Variants in MRPS18B observed in about 807,000 individuals in gnomAD.
MRPS18B encodes the protein small ribosomal subunit protein mS40.
In MRPS18B, 27 loss-of-function variants were observed where a neutral mutation model predicts 28.4. That is an observed-to-expected ratio of 0.95 (90% CI 0.70 to 1.31). The LOEUF (loss-of-function observed/expected upper bound fraction) is 1.31. MRPS18B is among the 40% of genes most tolerant of loss of function. The pLI, the probability that MRPS18B is intolerant of heterozygous loss-of-function variation, is 0.00. For missense variants in MRPS18B, 343 were observed against 335.9 expected, an observed-to-expected ratio of 1.02 and a Z score of -0.17; for synonymous variants, 118 against 123.7, an observed-to-expected ratio of 0.95 and a Z score of 0.30.
intron 1 of MRPS18B, among the ~76,000 whole-genome samples, chr6:30,619,158 C>T (rs1228998430): frequency 1.3e-5 from 2 of 152,120 alleles, no homozygotes; most frequent in African/African-American, 2.4e-5. Flanking sequence ...CCTCATGATC[C>T]GCCTGCCTGG....
intron 1 of MRPS18B, 81 bp from the exon 2 acceptor site, chr6:30,619,412 C>T: frequency 2.6e-6 from 3 of 1,155,554 alleles, no homozygotes; most frequent in East Asian, 2.3e-5. Flanking sequence ...GTGTGCATTC[C>T]TCCTTTCCAA....
intron 5 of MRPS18B, 71 bp downstream of exon 5, chr6:30,622,969 T>C: frequency 1.6e-6 from 2 of 1,239,896 alleles, no homozygotes; most frequent in East Asian, 2.4e-5. Flanking sequence ...AGTTGGCCAA[T>C]AGGTATTTGT....
rs778298063 is a variant in MRPS18B at position 30,619,924 on chromosome 6, C to T, written c.289C>T (p.Arg97Trp). ...GCTGTTTTTTTTCTCTCTACAGCGT[C>T]GGAATAAAGTTGTTGGGAATCCCTG... The part of the protein sequence containing the change: ...PQRTRKTCIR[R>W]NKVVGNPCPI... Residue 97 changes from arginine (R) to tryptophan (W), a missense_variant, in exon 4 of 7, where the codon CGG becomes TGG. By Grantham distance (101) the Arg-to-Trp change is moderately radical. Transcript: ENST00000259873. 9.3e-6 allele frequency: 15 copies of T among 1,613,978 alleles called. No individual in the cohort carries two copies. The highest frequency in any genetic ancestry group is 1.7e-5 in the Admixed American group (1 of 59,996).
chr6:30,622,585 AAAG>A (rs878996590), intron 4 of MRPS18B, among the ~76,000 whole-genome samples: 3 of 151,376 alleles, frequency 2.0e-5, no homozygotes, highest in Admixed American at 1.3e-4. Flanking sequence ...AAAAAAAAAA[AAAG>A]AACTTAACCT....
rs890201579 is a variant in MRPS18B at position 30,624,771 on chromosome 6, G to T, written c.422-112G>T. On this transcript the variant is annotated intron_variant, in intron 5 of 6. Transcript: ENST00000259873. ...GTCCATGGAGGGGTCAGGGGAAAGG[G>T]GTCATTAGGTAAAGCCAATCCTTCC... 99 of 1,165,404 alleles carry T rather than the reference G, an allele frequency of 8.5e-5. 1 individual carries two copies. The Middle Eastern group carries it at 1.0e-3, about 12-fold the overall frequency. The allele number at this position is 1,165,404 out of a possible 1,614,324, so 72.2% of individuals were successfully genotyped here.
At position 30,617,902 on chromosome 6, in the gene MRPS18B, C is replaced by T; in HGVS notation, c.37C>T (p.Leu13Phe). 1 of 1,614,198 alleles carries T rather than the reference C, an allele frequency of 6.2e-7. No homozygotes were observed. The highest frequency in any genetic ancestry group is 1.3e-5 in the African/African-American group (1 of 75,044). ...TGTATTAAACACCGTGCTGAGGCGGCTTCCTATGCTATCTCTCTTCCGAGG... is the reference window on the plus strand; with the variant it reads ...TGTATTAAACACCGTGCTGAGGCGGTTTCCTATGCTATCTCTCTTCCGAGG... ...ASVLNTVLRR[L>F]PMLSLFRGSH... The change falls in exon 1 of 7, where the codon CTT (leucine) becomes TTT (phenylalanine). Residue 13 changes from leucine (L) to phenylalanine (F), a missense_variant. Coordinates refer to ENST00000259873, the MANE Select transcript of MRPS18B (RefSeq NM_014046.4).
chr6:30,624,796 C>T, intron 5 of MRPS18B, 87 bp from the exon 6 acceptor site: 1 of 1,477,092 alleles, frequency 6.8e-7, no homozygotes, highest in Non-Finnish European at 9.4e-7. Context: ...CCAATCCTTC[C>T]CAATCTACCC....
rs772507984 is a variant in MRPS18B at position 30,619,910 on chromosome 6, T to TC, written c.286-10dup. ...GAACATCCTTAACTGCTGTTTTTTT[T>TC]CTCTCTACAGCGTCGGAATAAAGTT... On this transcript the variant is annotated splice_polypyrimidine_tract_variant and intron_variant, in intron 3 of 6. Transcript: ENST00000259873. 1.2e-6 allele frequency: 2 copies of TC among 1,614,084 alleles called. No homozygotes were observed. Among genetic ancestry groups the TC allele is most frequent in the South Asian group, 1.1e-5 (1 of 91,084 alleles).
At chr6:30,624,152 G>T (rs1220345379) in intron 5 of MRPS18B, among the ~76,000 whole-genome samples, 2 of 151,844 alleles carry the variant, frequency 1.3e-5, no homozygotes, top group Non-Finnish European at 2.9e-5. Flanking sequence ...GAGTGCAGTG[G>T]CATGATCTTG....
chr6:30,624,928 A>G lies in MRPS18B; in HGVS notation c.467A>G (p.Lys156Arg). ...AAGCGGTTGACCCAGGCCATCCAGA[A>G]AGCCAGGGATCATGGTGAGCATGAG... ...QHKRLTQAIQ[K>R]ARDHGLLIYH... The change falls in exon 6 of 7, where the codon AAA becomes AGA. Residue 156 changes from lysine to arginine, a missense_variant. Physicochemically the swap from Lys to Arg is conservative, Grantham distance 26. Coordinates refer to ENST00000259873, the MANE Select transcript of MRPS18B (RefSeq NM_014046.4). 6.2e-7 allele frequency: 1 copy of G among 1,613,064 alleles called. No homozygotes were observed. The highest frequency in any genetic ancestry group is 2.2e-5 in the East Asian group (1 of 44,880).
At chr6:30,624,044 A>T (rs1053064446) in intron 5 of MRPS18B, among the ~76,000 whole-genome samples, 1 of 145,750 alleles carries the variant, frequency 6.9e-6, no homozygotes, top group African/African-American at 2.5e-5. Flanking sequence ...GACAGGCATG[A>T]GCCACCGTGC....
chr6:30,621,275 G>A (rs1395461244), intron 4 of MRPS18B, among the ~76,000 whole-genome samples: 4 of 152,088 alleles, frequency 2.6e-5, no homozygotes, highest in African/African-American at 4.8e-5. Context: ...GGTGGCAGGC[G>A]CCTATAATCC....
rs1761582075 is a variant in MRPS18B at position 30,626,157 on chromosome 6, G to C, written c.*360G>C. ...GGACTAGGAGATAATGTGTATGTAG[G>C]TTTATGTGATGGGATATCACCCTGA... On this transcript the variant is annotated 3_prime_UTR_variant, in exon 7 of 7. Coordinates refer to ENST00000259873, the MANE Select transcript of MRPS18B (RefSeq NM_014046.4). 2 of 253,336 alleles carry C rather than the reference G, an allele frequency of 7.9e-6. No homozygotes were observed. Among genetic ancestry groups the C allele is most frequent in the South Asian group, 2.2e-4 (2 of 9,084 alleles). The allele number at this position is 253,336 out of a possible 1,614,324, so 15.7% of individuals were successfully genotyped here. A position where few individuals can be genotyped will look rare whatever the true frequency, so the allele number is the denominator to read the frequency against.
intron 4 of MRPS18B, 64 bp downstream of exon 4, chr6:30,620,053 C>T: frequency 4.6e-6 from 7 of 1,518,094 alleles, no homozygotes; most frequent in Non-Finnish European, 6.4e-6. Context: ...CGCGGTGGCT[C>T]ACGCCTGTAA....
rs368332564 is a variant in MRPS18B at position 30,617,891 on chromosome 6, T to A, written c.26T>A (p.Val9Glu). 1.2e-5 allele frequency: 20 copies of A among 1,614,098 alleles called. No individual in the cohort carries two copies. Among genetic ancestry groups the A allele is most frequent in the Non-Finnish European group, 1.7e-5 (20 of 1,180,044 alleles). ...ATGGCGGCGTCTGTATTAAACACCGTGCTGAGGCGGCTTCCTATGCTATCT... is the reference window on the plus strand; with the variant it reads ...ATGGCGGCGTCTGTATTAAACACCGAGCTGAGGCGGCTTCCTATGCTATCT... MAASVLNT[V>E]LRRLPMLSLF... Residue 9 changes from valine to glutamate, a missense_variant, in exon 1 of 7, where the codon GTG (valine) becomes GAG (glutamate). By Grantham distance (121) the Val-to-Glu change is moderately radical (BLOSUM62 -2). Transcript: ENST00000259873.
chr6:30,618,903 C>G (rs1198648415), intron 1 of MRPS18B, among the ~76,000 whole-genome samples: 1 of 151,824 alleles, frequency 6.6e-6, no homozygotes, highest in African/African-American at 2.4e-5. Context: ...GCAAGAATAC[C>G]TTTTATGTAC....
At chr6:30,624,051 G>A (rs1400758325) in intron 5 of MRPS18B, among the ~76,000 whole-genome samples, 5 of 151,206 alleles carry the variant, frequency 3.3e-5, no homozygotes, top group African/African-American at 7.3e-5. Context: ...ATGAGCCACC[G>A]TGCCCGGCAG....
chr6:30,619,431 A>AAC (rs1436768544), intron 1 of MRPS18B, 62 bp from the exon 2 acceptor site: 6 of 1,394,336 alleles, frequency 4.3e-6, no homozygotes, highest in Non-Finnish European at 6.1e-6. Context: ...AAAGTGTGAT[A>AAC]AGCAAAACAA....
intron 1 of MRPS18B, 72 bp downstream of exon 1, chr6:30,618,015 A>G (rs951162218): frequency 6.5e-7 from 1 of 1,531,278 alleles, no homozygotes; most frequent in Middle Eastern, 1.8e-4. Context: ...CTCCACTGTC[A>G]GGAATCCACG....
Sources: gnomAD v4.1 joint callset for allele counts (sites outside exome capture counted in the v4.1 genomes callset) on GRCh38, gnomAD v4.1.1 for gene constraint, MANE v1.5 for transcripts, NCBI Gene and HGNC (gene_info 2026-07-23, HGNC 2026-07-21) for gene names.